The following DMKN variants were observed in gnomAD, a reference collection of about 807,000 sequenced individuals.
DMKN encodes epidermis-specific secreted protein SK30/SK89.
Under a neutral mutation model 67.6 loss-of-function variants are expected in DMKN, and 58 were observed. The observed-to-expected ratio is 0.86, with a 90% CI of 0.69 to 1.07. DMKN has a LOEUF of 1.07. DMKN is among the 50% of genes least tolerant of loss of function. DMKN has a pLI of 0.00. For synonymous variants in DMKN, 240 were observed against 232.3 expected, an observed-to-expected ratio of 1.03 and a Z score of -0.30; for missense variants, 596 against 601.5, an observed-to-expected ratio of 0.99 and a Z score of 0.10.
At position 35,510,021 on chromosome 19, in the gene DMKN, C is replaced by G. The variant is rs1310706457; in HGVS notation, c.988-60G>C. 3.7e-6 allele frequency: 6 copies of G among 1,607,280 alleles called. No homozygotes were observed. The Admixed American group carries it at 5.0e-5, about 13-fold the overall frequency. On this transcript the variant is annotated intron_variant, in intron 6 of 15. Coordinates refer to ENST00000339686, the MANE Select transcript of DMKN (RefSeq NM_033317.5). ...TCCCCTCCCAGACCAGTCCCAGCCCCAAAATGGCAGCATTTTAACCCTGGG... is the reference window on the plus strand; with the variant it reads ...TCCCCTCCCAGACCAGTCCCAGCCCGAAAATGGCAGCATTTTAACCCTGGG...
At chr19:35,510,134 C>T (rs370283814) in intron 6 of DMKN, 50 bp downstream of exon 6, 1 of 1,574,528 alleles carries the variant, frequency 6.4e-7, no homozygotes, top group African/African-American at 1.4e-5. Context: ...AAACCAGCTG[C>T]TCTCCTTTTC....
In DMKN at chr19:35,498,757, G is replaced by A. The variant is rs761594834; in HGVS notation, c.1390C>T (p.Arg464Trp). The stretch of plus-strand genomic sequence containing the variant: ...CACTGCAGCAGGCCAGGTTGCACCC[G>A]GGAAGCCTGCCAGAAAAAGAGAAAG... Reference protein sequence around the residue: ...GGVSPSSSASRVQPGLLQWVK... With the variant: ...GGVSPSSSASWVQPGLLQWVK... The change falls in exon 15 of 16, where the codon CGG becomes TGG. Residue 464 changes from arginine (R) to tryptophan (W), a missense_variant. Physicochemically the swap from Arg to Trp is moderately radical, Grantham distance 101. Transcript: ENST00000339686. 20 of 1,614,004 alleles carry A rather than the reference G, an allele frequency of 1.2e-5. No homozygotes were observed. The highest frequency in any genetic ancestry group is 2.2e-5 in the South Asian group (2 of 91,084).
intron 11 of DMKN, 42 bp from the exon 12 acceptor site, chr19:35,500,622 T>C: frequency 6.3e-7 from 1 of 1,579,182 alleles, no homozygotes; most frequent in Non-Finnish European, 8.6e-7. Context: ...TCCGCAGTCG[T>C]GCGGGCATTG....
intron 12 of DMKN, 173 bp downstream of exon 12, chr19:35,500,360 C>G (rs1200330671): frequency 8.4e-6 from 13 of 1,551,350 alleles, no homozygotes; most frequent in African/African-American, 2.7e-5. Flanking sequence ...CCCAGCGGGT[C>G]CATGGTAGAT....
chr19:35,511,076 C>T (rs1484060126), intron 5 of DMKN, among the ~76,000 whole-genome samples: 2 of 152,248 alleles, frequency 1.3e-5, no homozygotes, highest in African/African-American at 4.8e-5. Context: ...ATGTCCCCCT[C>T]TTTCTCCGCC....
chr19:35,510,586 G>A, intron 5 of DMKN: 1 of 1,496,494 alleles, frequency 6.7e-7, no homozygotes, highest in Non-Finnish European at 8.9e-7. Flanking sequence ...AGGGACCCTA[G>A]AGCCCTCACC....
At chr19:35,506,838 A>T (rs2069644541) in intron 7 of DMKN, 4 of 231,572 alleles carry the variant, frequency 1.7e-5, no homozygotes, top group South Asian at 9.8e-5. Flanking sequence ...ACATAGTGAA[A>T]CCCCATCTCT....
At chr19:35,504,596 A>G (rs1165201800) in intron 9 of DMKN, among the ~76,000 whole-genome samples, 1 of 147,764 alleles carries the variant, frequency 6.8e-6, no homozygotes, top group Admixed American at 6.7e-5. Context: ...AAAAAAAAAC[A>G]AAAGAAAGAA....
chr19:35,498,514 T>A (rs2067821896), intron 15 of DMKN: 2 of 690,892 alleles, frequency 2.9e-6, no homozygotes, highest in Non-Finnish European at 4.8e-6. Context: ...CAGCCCTAGA[T>A]CACTTTATTA....
At position 35,506,095 on chromosome 19, in the gene DMKN, C is replaced by T. The variant is rs569383963; in HGVS notation, c.1039-109G>A. Reference sequence around the variant, plus strand: ...CGAGGATTGTGTGACACCATGGTCCCAGCCCAAGGTGGAGTGTTGCCTCCA... The same window carrying T: ...CGAGGATTGTGTGACACCATGGTCCTAGCCCAAGGTGGAGTGTTGCCTCCA... On this transcript the variant is annotated intron_variant, in intron 7 of 15. Transcript: ENST00000339686. 4 of 1,601,830 alleles carry T rather than the reference C, an allele frequency of 2.5e-6. No homozygotes were observed. The African/African-American group carries it at 4.0e-5, about 16-fold the overall frequency.
rs199498909 is a variant in DMKN at position 35,511,509 on chromosome 19, T to C, written c.820A>G (p.Ser274Gly). Reference protein sequence around the residue: ...NNGSSSGGSSSGSSSGGSSGG... With the variant: ...NNGSSSGGSSGGSSSGGSSGG... ...CTGCTGCCGCCACTGCTGCTGCCAC[T>C]GCTGCTGCCACCACTGCTGCTGCCA... Residue 274 changes from serine to glycine, a missense_variant, in exon 5 of 16, where the codon AGT becomes GGT. By Grantham distance (56) the Ser-to-Gly change is moderately conservative. Coordinates refer to ENST00000339686, the MANE Select transcript of DMKN (RefSeq NM_033317.5). 6.4e-6 allele frequency: 7 copies of C among 1,094,730 alleles called. No individual in the cohort carries two copies. Among genetic ancestry groups the C allele is most frequent in the African/African-American group, 5.7e-5 (3 of 52,312 alleles). The allele number at this position is 1,094,730 out of a possible 1,614,324, so 67.8% of individuals were successfully genotyped here. A position where few individuals can be genotyped will look rare whatever the true frequency, so the allele number is the denominator to read the frequency against.
At chr19:35,507,722 G>A (rs1281180537) in intron 7 of DMKN, 9 of 552,424 alleles carry the variant, frequency 1.6e-5, no homozygotes, top group African/African-American at 3.8e-5. Context: ...CCTGTGGGTC[G>A]GGTGGCTGCT....
At chr19:35,508,163 C>T (rs2069963207) in intron 7 of DMKN, 2 of 1,551,458 alleles carry the variant, frequency 1.3e-6, no homozygotes, top group African/African-American at 1.4e-5. Flanking sequence ...ACCCCACTTA[C>T]TACCGGCACA....
chr19:35,505,024 TA>T (rs60837281), intron 9 of DMKN, among the ~76,000 whole-genome samples: 3,279 of 140,992 alleles, frequency 0.023, 107 homozygotes, highest in African/African-American at 0.069. Context: ...TTCATATTCT[TA>T]AAAAAAAAAA....
At chr19:35,512,530 C>T (rs1462019874) in intron 2 of DMKN, 53 bp from the exon 3 acceptor site, 15 of 1,613,820 alleles carry the variant, frequency 9.3e-6, no homozygotes, top group African/African-American at 2.7e-5. Flanking sequence ...GGGAGGCACG[C>T]GGAGCATGTG....
Position 35,513,057 on chromosome 19 carries a change from C to G in DMKN, c.419G>C (p.Gly140Ala), listed in dbSNP as rs1289872640. Residue 140 changes from glycine (G) to alanine (A), a missense_variant, in exon 1 of 16, where the codon GGT (glycine) becomes GCT (alanine). Transcript: ENST00000339686. ...AGCCCCACAGCCACTCACCCAAGCA[C>G]CATTGTGGCCAGGCACCCCCTGCCA... ...GSWQGVPGHN[G>A]AWETSGGHGI... 6.2e-7 allele frequency: 1 copy of G among 1,613,506 alleles called. No individual in the cohort carries two copies. Among genetic ancestry groups the G allele is most frequent in the Non-Finnish European group, 8.5e-7 (1 of 1,180,010 alleles).
At chr19:35,498,653 G>T in intron 15 of DMKN, 63 bp downstream of exon 15, 1 of 1,607,294 alleles carries the variant, frequency 6.2e-7, no homozygotes, top group Non-Finnish European at 8.5e-7. Context: ...TCCTGGCCCT[G>T]CCCCGGGTGA....
rs200787055 is a variant in DMKN, at chr19:35,502,130, C to A, written c.1239+6G>T. The A allele has an allele frequency of 8.3e-5, 134 of 1,614,078 alleles. No individual in the cohort carries two copies. The highest frequency in any genetic ancestry group is 6.6e-4 in the Middle Eastern group (4 of 6,068). ...TCCCAGAGCTGAGAAGTCCTGCCCC[C>A]CTTACCTCAATAATTGCTTTCCAGT... On this transcript the variant is annotated splice_donor_region_variant and intron_variant, in intron 11 of 15. Coordinates refer to ENST00000339686, the MANE Select transcript of DMKN (RefSeq NM_033317.5).
rs746002914 is a variant in DMKN, at chr19:35,500,573, T to C, written c.1247A>G (p.Asp416Gly). ...LNWKAIIEGA[D>G]ASSLQKRAGR... is the part of the protein sequence containing the mutation. ...TGCACGTTTCTGCAGTGATGACGCG[T>C]CCGCACCCTGAAAGGAAGAAGGGGC... The change falls in exon 12 of 16, where the codon GAC becomes GGC. Residue 416 changes from aspartate to glycine, a missense_variant. Transcript: ENST00000339686. 5 of 1,607,898 alleles carry C rather than the reference T, an allele frequency of 3.1e-6. No homozygotes were observed. The Admixed American group carries it at 8.4e-5, about 27-fold the overall frequency.
Sources: gnomAD v4.1 joint callset for allele counts (sites outside exome capture counted in the v4.1 genomes callset) on GRCh38, gnomAD v4.1.1 for gene constraint, MANE v1.5 for transcripts, NCBI Gene and HGNC (gene_info 2026-07-23, HGNC 2026-07-21) for gene names.